Variants in WDR48 observed in about 807,000 individuals in gnomAD.
WDR48 encodes the protein WD repeat-containing protein 48.
Under a neutral mutation model 94.0 loss-of-function variants are expected in WDR48, and 22 were observed. That is an observed-to-expected ratio of 0.23 (90% CI 0.17 to 0.33). WDR48 has a LOEUF of 0.33. Among genes scored for constraint, WDR48 ranks in the 10% least tolerant of loss-of-function variants. The pLI is 1.00. For missense variants in WDR48, 541 were observed against 813.8 expected, an observed-to-expected ratio of 0.66 and a Z score of 4.08; for synonymous variants, 278 against 280.5, an observed-to-expected ratio of 0.99 and a Z score of 0.09.
chr3:39,064,278 C>CTTTTTTTTT (rs532093383), intron 2 of WDR48, among the ~76,000 whole-genome samples: 1 of 141,568 alleles, frequency 7.1e-6, no homozygotes, highest in Non-Finnish European at 1.5e-5. Flanking sequence ...TCTTTTTTTT[C>CTTTTTTTTT]TTTTTTTTTT....
intron 1 of WDR48, among the ~76,000 whole-genome samples, chr3:39,060,935 C>G (rs115323777): frequency 0.015 from 2,282 of 152,230 alleles, 62 homozygotes; most frequent in African/African-American, 0.051. Context: ...CCACTGCTTT[C>G]CAGCCTGGGT....
At chr3:39,090,101 C>T (rs532131050) in intron 16 of WDR48, 3 of 152,318 alleles carry the variant, frequency 2.0e-5, no homozygotes, top group African/African-American at 2.4e-5. Flanking sequence ...TCTACATTCT[C>T]ACCAACAGTG....
At chr3:39,059,917 G>C (rs1206642951) in intron 1 of WDR48, among the ~76,000 whole-genome samples, 1 of 151,484 alleles carries the variant, frequency 6.6e-6, no homozygotes, top group African/African-American at 2.4e-5. Context: ...TTTTTAAAAA[G>C]TCCCTTTTTG....
At chr3:39,075,440 A>C (rs1003732454) in intron 8 of WDR48, among the ~76,000 whole-genome samples, 2 of 152,118 alleles carry the variant, frequency 1.3e-5, no homozygotes, top group African/African-American at 4.8e-5. Flanking sequence ...TTCAGGAGTA[A>C]GGAAGTGGAA....
Position 39,074,823 on chromosome 3 carries a change from C to T in WDR48, c.770C>T (p.Ala257Val), listed in dbSNP as rs756704105. 2.9e-5 allele frequency: 46 copies of T among 1,614,020 alleles called. No homozygotes were observed. Among genetic ancestry groups the T allele is most frequent in the African/African-American group, 4.0e-5 (3 of 74,910 alleles). The change falls in exon 8 of 19, where the codon GCG (alanine) becomes GTG (valine). Residue 257 changes from alanine (A) to valine (V), a missense_variant. Around this residue, in one of 5 missense-constraint regions of WDR48, gnomAD observed 104 missense variants for 189.7 expected, o/e 0.55. Transcript: ENST00000302313. ...TYRVHDEGVWALQVNDAFTHV... is the reference protein window; with the variant it reads ...TYRVHDEGVWVLQVNDAFTHV... ...CGAGTCCATGATGAAGGTGTTTGGG[C>T]GCTGCAAGTCAATGATGCCTTCACA... is the stretch of plus-strand genomic sequence containing the variant.
At chr3:39,055,612 C>T (rs1443353979) in intron 1 of WDR48, among the ~76,000 whole-genome samples, 2 of 152,154 alleles carry the variant, frequency 1.3e-5, no homozygotes, top group African/African-American at 2.4e-5. Flanking sequence ...ACTAGAGATA[C>T]GAGGGAAGAG....
chr3:39,088,547 AGAT>A (rs1380621733), intron 15 of WDR48, among the ~76,000 whole-genome samples: 1 of 152,210 alleles, frequency 6.6e-6, no homozygotes, highest in East Asian at 1.9e-4. Flanking sequence ...GCCAAGCAAC[AGAT>A]GATACCACTA....
At chr3:39,079,929 TG>T in intron 11 of WDR48, 121 bp downstream of exon 11, 1 of 501,644 alleles carries the variant, frequency 2.0e-6, no homozygotes, top group South Asian at 4.4e-5. Context: ...CTTTATGGGG[TG>T]GTATATACTT....
intron 10 of WDR48, 85 bp downstream of exon 10, chr3:39,078,324 C>A (rs2034337688): frequency 1.1e-6 from 1 of 906,926 alleles, no homozygotes; most frequent in African/African-American, 1.7e-5. Flanking sequence ...AATGACCTTT[C>A]TTTAAATATA....
At chr3:39,090,045 A>G (rs1468774756) in intron 16 of WDR48, 2 of 152,206 alleles carry the variant, frequency 1.3e-5, no homozygotes, top group Non-Finnish European at 2.9e-5. Flanking sequence ...CACATTTTAA[A>G]TTTTGATAGA....
At chr3:39,083,052 A>G (rs1375762305) in intron 11 of WDR48, among the ~76,000 whole-genome samples, 1 of 152,240 alleles carries the variant, frequency 6.6e-6, no homozygotes, top group Non-Finnish European at 1.5e-5. Context: ...TGTTTCAAGA[A>G]GAAGCTTGCG....
Position 39,095,023 on chromosome 3 carries a change from G to A in WDR48, c.*280G>A. Reference sequence around the variant, plus strand: ...TGTACAGAAGACTGACAACAGGCCAGTGCAGACTTTGCTTCCTCCTTTTGT... The same window carrying A: ...TGTACAGAAGACTGACAACAGGCCAATGCAGACTTTGCTTCCTCCTTTTGT... On this transcript the variant is annotated 3_prime_UTR_variant, in exon 19 of 19. Transcript: ENST00000302313. The A allele has an allele frequency of 2.3e-6, 1 of 443,554 alleles. No homozygotes were observed. Among genetic ancestry groups the A allele is most frequent in the Non-Finnish European group, 4.0e-6 (1 of 249,636 alleles). The allele number at this position is 443,554 out of a possible 1,614,324, so 27.5% of individuals were successfully genotyped here.
chr3:39,069,550 A>C, intron 6 of WDR48, 93 bp from the exon 7 acceptor site: 4 of 1,132,734 alleles, frequency 3.5e-6, no homozygotes, highest in Non-Finnish European at 5.1e-6. Flanking sequence ...TTCTCAGAAT[A>C]TAATGGTTAT....
intron 16 of WDR48, chr3:39,089,849 CTG>C (rs1347622942): frequency 2.0e-5 from 3 of 152,040 alleles, no homozygotes; most frequent in African/African-American, 7.3e-5. Flanking sequence ...TTTTTAATGA[CTG>C]TGTAAGATTC....
intron 2 of WDR48, among the ~76,000 whole-genome samples, chr3:39,063,600 A>C (rs998949521): frequency 6.6e-6 from 1 of 152,184 alleles, no homozygotes; most frequent in African/African-American, 2.4e-5. Context: ...TATTTTCCTC[A>C]CTTAAAAGTA....
At chr3:39,075,745 G>A (rs1475132142) in intron 8 of WDR48, among the ~76,000 whole-genome samples, 3 of 151,652 alleles carry the variant, frequency 2.0e-5, no homozygotes, top group Non-Finnish European at 4.4e-5. Flanking sequence ...CCAGGCTGGA[G>A]TGCAGTGATG....
At chr3:39,091,588 A>G in intron 16 of WDR48, 37 bp from the exon 17 acceptor site, 3 of 1,456,136 alleles carry the variant, frequency 2.1e-6, no homozygotes, top group Non-Finnish European at 2.8e-6. Context: ...ATCAACTAAT[A>G]GAAACTGTTA....
intron 14 of WDR48, among the ~76,000 whole-genome samples, chr3:39,087,038 T>A (rs1308095874): frequency 6.6e-6 from 1 of 152,160 alleles, no homozygotes; most frequent in Admixed American, 6.5e-5. Flanking sequence ...ATGGGTATGG[T>A]CCCTGTCCTT....
At chr3:39,055,553 A>T (rs886391087) in intron 1 of WDR48, among the ~76,000 whole-genome samples, 1 of 152,230 alleles carries the variant, frequency 6.6e-6, no homozygotes, top group Non-Finnish European at 1.5e-5. Context: ...TTAATTGTAG[A>T]CATAATTTTA....
Sources: gnomAD v4.1 joint callset for allele counts (sites outside exome capture counted in the v4.1 genomes callset) on GRCh38, gnomAD v4.1.1 for gene constraint, gnomAD v4.1.1 regional missense constraint, MANE v1.5 for transcripts, NCBI Gene and HGNC (gene_info 2026-07-23, HGNC 2026-07-21) for gene names.